Variants in EGFLAM observed in about 807,000 individuals in gnomAD.
EGFLAM encodes EGF like, fibronectin type III and laminin G domains.
In EGFLAM, 79 loss-of-function variants were observed where a neutral mutation model predicts 113.1. That is an observed-to-expected ratio of 0.70 (90% CI 0.58 to 0.84). The LOEUF (loss-of-function observed/expected upper bound fraction) is 0.84, where lower values mean the gene tolerates loss of function less well. Among genes scored for constraint, EGFLAM ranks in the 40% least tolerant of loss-of-function variants. EGFLAM has a pLI of 0.00. For missense variants in EGFLAM, 1,265 were observed against 1,291.6 expected (o/e 0.98, Z 0.32); for synonymous variants, 504 against 487.6 (o/e 1.03, Z -0.44).
chr5:38,292,902 A>G (rs943524175), intron 1 of EGFLAM, among the ~76,000 whole-genome samples: 3 of 152,210 alleles, frequency 2.0e-5, no homozygotes, highest in East Asian at 1.9e-4. Flanking sequence ...ATCACAAAAA[A>G]TTTCCTGCTC....
At chr5:38,435,091 A>G in intron 15 of EGFLAM, 46 bp from the exon 16 acceptor site, 2 of 1,523,528 alleles carry the variant, frequency 1.3e-6, no homozygotes, top group Middle Eastern at 1.7e-4. Flanking sequence ...CATTTTGAAC[A>G]TCTGTTTTAA....
intron 1 of EGFLAM, among the ~76,000 whole-genome samples, chr5:38,302,589 C>T (rs538220644): frequency 2.0e-5 from 3 of 151,814 alleles, no homozygotes; most frequent in Non-Finnish European, 2.9e-5. Context: ...ATATAATTAA[C>T]TTTATCTCCA....
At position 38,438,248 on chromosome 5, in the gene EGFLAM, A is replaced by G. The variant is rs779677724; in HGVS notation, c.2284-27A>G. ...CTACAAAGATGTTTCTTAATTCCTG[A>G]ATTTCTTTATGTTTTTCTCTCTCAA... On this transcript the variant is annotated intron_variant, in intron 16 of 21. Transcript: ENST00000322350. 5.6e-6 allele frequency: 9 copies of G among 1,594,370 alleles called. No individual in the cohort carries two copies. In the East Asian group the frequency reaches 1.8e-4, roughly 32 times the overall value.
intron 1 of EGFLAM, among the ~76,000 whole-genome samples, chr5:38,299,258 A>G (rs1056482775): frequency 1.3e-5 from 2 of 152,206 alleles, no homozygotes; most frequent in African/African-American, 4.8e-5. Context: ...GGTGCTCATT[A>G]CTGTGGAAAA....
At chr5:38,371,660 G>A (rs546016591) in intron 6 of EGFLAM, among the ~76,000 whole-genome samples, 5 of 151,806 alleles carry the variant, frequency 3.3e-5, no homozygotes, top group Non-Finnish European at 7.4e-5. Context: ...GCACATGCTC[G>A]TGCACCCTAT....
At chr5:38,258,876 C>T in intron 1 of EGFLAM, 25 bp downstream of exon 1, 1 of 1,597,310 alleles carries the variant, frequency 6.3e-7, no homozygotes, top group Admixed American at 1.7e-5. Flanking sequence ...CGCCCAGAGC[C>T]ACCACGCCCC....
chr5:38,317,844 G>C (rs1738640792), intron 1 of EGFLAM, among the ~76,000 whole-genome samples: 1 of 152,214 alleles, frequency 6.6e-6, no homozygotes, highest in African/African-American at 2.4e-5. Flanking sequence ...GGCCCAGTAT[G>C]AGGGTAAGGG....
chr5:38,331,689 C>A (rs760668842), intron 1 of EGFLAM, among the ~76,000 whole-genome samples: 54 of 152,036 alleles, frequency 3.6e-4, no homozygotes, highest in Middle Eastern at 3.2e-3. Flanking sequence ...TAGAATAGGC[C>A]TCTTCACTTA....
intron 1 of EGFLAM, among the ~76,000 whole-genome samples, chr5:38,277,463 A>C (rs1757914438): frequency 7.4e-6 from 1 of 135,928 alleles, no homozygotes; most frequent in Non-Finnish European, 1.7e-5. Flanking sequence ...TACACTGAAC[A>C]AGGAAAAGTT....
intron 2 of EGFLAM, among the ~76,000 whole-genome samples, 166 bp from the exon 3 acceptor site, chr5:38,338,532 C>T (rs1739245781): frequency 6.6e-6 from 1 of 152,140 alleles, no homozygotes. Flanking sequence ...GTTTGCAACA[C>T]CCCCCACCCA....
chr5:38,449,582 G>C (rs1420959186), intron 18 of EGFLAM, among the ~76,000 whole-genome samples: 1 of 152,146 alleles, frequency 6.6e-6, no homozygotes, highest in Non-Finnish European at 1.5e-5. Context: ...GTTTGGGGGA[G>C]TAGAGGGGCT....
At chr5:38,369,229 T>C (rs547454958) in intron 5 of EGFLAM, among the ~76,000 whole-genome samples, 3 of 152,372 alleles carry the variant, frequency 2.0e-5, no homozygotes, top group South Asian at 2.1e-4. Context: ...ATTTCAATAA[T>C]ATATTTTAAC....
rs1283650188 is a variant in EGFLAM, at chr5:38,428,264, C to T, written c.2054+1012C>T. 2.0e-5 allele frequency among the ~76,000 whole-genome samples: 3 copies of T among 152,204 alleles called. No homozygotes were observed. In the East Asian group the frequency reaches 5.8e-4, roughly 29 times the overall value. ...AGAGTATGTAGGTGAGATGCTACAA[C>T]CATGCATTGCCCTTAACTACTGATC... is the stretch of plus-strand genomic sequence containing the variant. On this transcript the variant is annotated intron_variant, in intron 14 of 21. Coordinates refer to ENST00000322350, the MANE Select transcript of EGFLAM (RefSeq NM_152403.4).
chr5:38,350,627 G>A lies in EGFLAM; in HGVS notation c.409+9G>A. On this transcript the variant is annotated intron_variant, in intron 4 of 21. Coordinates refer to ENST00000322350, the MANE Select transcript of EGFLAM (RefSeq NM_152403.4). ...CACCACTTTGTCCCAAGGTAAAGTAGGTTCAAATTCATTAATAGGTGGCAG... is the reference window on the plus strand; with the variant it reads ...CACCACTTTGTCCCAAGGTAAAGTAAGTTCAAATTCATTAATAGGTGGCAG... 2 of 1,612,010 alleles carry A rather than the reference G, an allele frequency of 1.2e-6. No homozygotes were observed. The highest frequency in any genetic ancestry group is 1.7e-6 in the Non-Finnish European group (2 of 1,179,136).
intron 1 of EGFLAM, among the ~76,000 whole-genome samples, chr5:38,287,245 A>G (rs1314533881): frequency 2.6e-5 from 4 of 152,230 alleles, no homozygotes; most frequent in African/African-American, 9.6e-5. Context: ...TTTCATGTGT[A>G]AAATGGGGAT....
At chr5:38,277,167 A>C (rs2111739129) in intron 1 of EGFLAM, among the ~76,000 whole-genome samples, 1 of 152,300 alleles carries the variant, frequency 6.6e-6, no homozygotes, top group East Asian at 1.9e-4. Context: ...AATATTCAGC[A>C]AAAAATTAAC....
intron 17 of EGFLAM, among the ~76,000 whole-genome samples, chr5:38,442,282 T>G (rs879557571): frequency 2.0e-5 from 3 of 148,770 alleles, no homozygotes; most frequent in Non-Finnish European, 3.0e-5. Context: ...GTTATGTCAT[T>G]TATTATATTA....
At chr5:38,380,946 G>A (rs1740496027) in intron 6 of EGFLAM, among the ~76,000 whole-genome samples, 1 of 152,262 alleles carries the variant, frequency 6.6e-6, no homozygotes, top group South Asian at 2.1e-4. Context: ...CAAAGGAAAG[G>A]AACTCACGAT....
intron 4 of EGFLAM, 21 bp from the exon 5 acceptor site, chr5:38,352,172 AGTT>A: frequency 1.2e-6 from 2 of 1,613,516 alleles, no homozygotes; most frequent in Non-Finnish European, 1.7e-6. Flanking sequence ...AGCCTAGTCT[AGTT>A]GTGTTTGTCA....
Sources: allele counts gnomAD v4.1 joint callset (sites outside exome capture counted in the v4.1 genomes callset), GRCh38; gene constraint gnomAD v4.1.1; transcripts MANE v1.5; gene names NCBI Gene and HGNC (gene_info 2026-07-23, HGNC 2026-07-21).